Variants in PKP4 observed in about 807,000 individuals in gnomAD.
The protein encoded by PKP4 is plakophilin-4.
A neutral mutation model predicts 145.1 loss-of-function variants in PKP4; 90 were observed. That is an observed-to-expected ratio of 0.62 (90% confidence interval 0.52 to 0.74). The LOEUF (loss-of-function observed/expected upper bound fraction) is 0.74, where lower values mean the gene tolerates loss of function less well. Among genes scored for constraint, PKP4 ranks in the 30% least tolerant of loss-of-function variants. PKP4 has a pLI of 0.00. For missense variants in PKP4, 1,340 were observed against 1,482.7 expected, an observed-to-expected ratio of 0.90 and a Z score of 1.58; for synonymous variants, 563 against 577.2, an observed-to-expected ratio of 0.98 and a Z score of 0.35.
intron 1 of PKP4, among the ~76,000 whole-genome samples, chr2:158,475,201 C>T (rs561079225): frequency 1.3e-5 from 2 of 152,242 alleles, no homozygotes; most frequent in African/African-American, 2.4e-5. Flanking sequence ...GGAAGTTCAC[C>T]TTTCCATTTG....
intron 3 of PKP4, among the ~76,000 whole-genome samples, chr2:158,583,945 G>A (rs1478398503): frequency 6.6e-5 from 10 of 152,008 alleles, no homozygotes; most frequent in African/African-American, 1.2e-4. Flanking sequence ...CACTACATAC[G>A]AAATCCAACC....
chr2:158,664,621 G>C (rs890315112), intron 15 of PKP4, among the ~76,000 whole-genome samples: 1 of 152,180 alleles, frequency 6.6e-6, no homozygotes, highest in African/African-American at 2.4e-5. Flanking sequence ...CGTGCACGTG[G>C]CCACTATGTT....
chr2:158,577,200 C>G (rs554803617), intron 2 of PKP4, 71 bp from the exon 3 acceptor site: 1 of 896,922 alleles, frequency 1.1e-6, no homozygotes, highest in African/African-American at 1.7e-5. Flanking sequence ...CTGTGACATA[C>G]ATTAATTCAT....
At chr2:158,559,980 C>G (rs2046384561) in intron 2 of PKP4, among the ~76,000 whole-genome samples, 1 of 152,060 alleles carries the variant, frequency 6.6e-6, no homozygotes, top group Admixed American at 6.5e-5. Flanking sequence ...GATTCTCCTG[C>G]CTCAGCGTCC....
chr2:158,479,220 A>G (rs74466003), intron 1 of PKP4, among the ~76,000 whole-genome samples: 1 of 151,772 alleles, frequency 6.6e-6, no homozygotes, highest in Non-Finnish European at 1.5e-5. Context: ...AATTTATTTT[A>G]TTATTATTAT....
intron 1 of PKP4, among the ~76,000 whole-genome samples, chr2:158,480,702 A>G (rs1693222062): frequency 6.6e-6 from 1 of 152,216 alleles, no homozygotes; most frequent in Non-Finnish European, 1.5e-5. Context: ...ATTGAAGTGC[A>G]TATTACAATT....
chr2:158,673,425 G>A lies in PKP4; in HGVS notation c.2925-252G>A, dbSNP rs371980543. On this transcript the variant is annotated intron_variant, in intron 17 of 21. Coordinates refer to ENST00000389759, the MANE Select transcript of PKP4 (RefSeq NM_003628.6). ...CTACAGAGATCCTCAGCTCAGGTTC[G>A]TCCCGGCCACAGCTGCTCCACAGAG... Among the ~76,000 whole-genome samples the A allele has an allele frequency of 4.3e-4, 66 of 152,292 alleles. 2 individuals carry two copies. The South Asian group carries it at 0.012, about 29-fold the overall frequency.
intron 1 of PKP4, among the ~76,000 whole-genome samples, chr2:158,475,867 A>G (rs1207685604): frequency 6.6e-6 from 1 of 152,240 alleles, no homozygotes; most frequent in Non-Finnish European, 1.5e-5. Flanking sequence ...TGGAAGAATC[A>G]CAACCCAATA....
chr2:158,638,171 CA>C (rs2053972668), intron 9 of PKP4, among the ~76,000 whole-genome samples: 1 of 152,208 alleles, frequency 6.6e-6, no homozygotes, highest in South Asian at 2.1e-4. Context: ...CGATTGATAA[CA>C]GTTTCAATAT....
intron 2 of PKP4, among the ~76,000 whole-genome samples, chr2:158,535,013 T>G (rs532240031): frequency 1.3e-5 from 2 of 152,354 alleles, no homozygotes; most frequent in South Asian, 4.1e-4. Flanking sequence ...TTCATTAATA[T>G]ATATTTGCCG....
chr2:158,522,970 G>T (rs527533603), intron 1 of PKP4, among the ~76,000 whole-genome samples: 1 of 152,130 alleles, frequency 6.6e-6, no homozygotes, highest in African/African-American at 2.4e-5. Flanking sequence ...CACCTGGCTC[G>T]GAGGGTCCTA....
intron 11 of PKP4, among the ~76,000 whole-genome samples, chr2:158,643,725 A>AGAC (rs1558941937): frequency 7.0e-6 from 1 of 142,960 alleles, no homozygotes; most frequent in African/African-American, 2.5e-5. Context: ...AAAAAAAAAA[A>AGAC]AAAGAAAAGA....
intron 17 of PKP4, among the ~76,000 whole-genome samples, chr2:158,671,648 A>T (rs1365510625): frequency 6.6e-6 from 1 of 152,192 alleles, no homozygotes; most frequent in Non-Finnish European, 1.5e-5. Context: ...GCTGTGTGCC[A>T]GACGCTCTTC....
chr2:158,623,500 C>A (rs367552261), intron 6 of PKP4, among the ~76,000 whole-genome samples: 76 of 152,204 alleles, frequency 5.0e-4, no homozygotes, highest in African/African-American at 1.7e-3. Context: ...TGCTTGTTAA[C>A]TTTCCAGCTG....
At position 158,631,766 on chromosome 2, in the gene PKP4, C is replaced by G. The variant is rs1249906232; in HGVS notation, c.1167C>G (p.Ser389=). 1 of 1,613,994 alleles carries G rather than the reference C, an allele frequency of 6.2e-7. No homozygotes were observed. The highest frequency in any genetic ancestry group is 2.2e-5 in the East Asian group (1 of 44,868). The change falls in exon 8 of 22, where the codon TCC becomes TCG. Residue 389 remains serine (S), a synonymous_variant. Coordinates refer to ENST00000389759, the MANE Select transcript of PKP4 (RefSeq NM_003628.6). Reference sequence around the variant, plus strand: ...TTGTGCCTCTAGGCTTACGGAGTTCCTATGCTAGTCAGCATAGTCAGCTTG... The same window carrying G: ...TTGTGCCTCTAGGCTTACGGAGTTCGTATGCTAGTCAGCATAGTCAGCTTG... ...RPDSLTGLRS[S]YASQHSQLGQ...
chr2:158,625,149 C>T lies in PKP4; in HGVS notation c.875C>T (p.Thr292Ile), dbSNP rs375313238. 1.4e-5 allele frequency: 23 copies of T among 1,614,050 alleles called. No individual in the cohort carries two copies. Among genetic ancestry groups the T allele is most frequent in the African/African-American group, 4.0e-5 (3 of 74,914 alleles). ...PTAIRRIGSV[T>I]SRQTSNPNGP... ...GCTATACGGCGGATTGGGTCAGTCACCTCCCGGCAGACCTCCAATCCCAAC... is the reference window on the plus strand; with the variant it reads ...GCTATACGGCGGATTGGGTCAGTCATCTCCCGGCAGACCTCCAATCCCAAC... The change falls in exon 7 of 22, where the codon ACC becomes ATC. Residue 292 changes from threonine to isoleucine, a missense_variant. Transcript: ENST00000389759.
chr2:158,514,007 T>C (rs2041735784), intron 1 of PKP4, among the ~76,000 whole-genome samples: 1 of 152,218 alleles, frequency 6.6e-6, no homozygotes, highest in African/African-American at 2.4e-5. Context: ...ATTTTATGCT[T>C]GTTTACTCTT....
intron 16 of PKP4, among the ~76,000 whole-genome samples, chr2:158,668,126 C>A (rs1207004494): frequency 6.6e-6 from 1 of 151,352 alleles, no homozygotes; most frequent in Non-Finnish European, 1.5e-5. Flanking sequence ...TGTGAATAAC[C>A]CTTTTTAACT....
intron 1 of PKP4, among the ~76,000 whole-genome samples, chr2:158,512,959 G>A (rs2041639245): frequency 6.6e-6 from 1 of 152,234 alleles, no homozygotes; most frequent in Non-Finnish European, 1.5e-5. Context: ...AGGTGAAGAT[G>A]TGTTTGCAAG....
Sources: gnomAD v4.1 joint callset for allele counts (sites outside exome capture counted in the v4.1 genomes callset) on GRCh38, gnomAD v4.1.1 for gene constraint, MANE v1.5 for transcripts, NCBI Gene and HGNC (gene_info 2026-07-23, HGNC 2026-07-21) for gene names.